The following SMG1 variants were observed in gnomAD, a reference collection of about 807,000 sequenced individuals.
The protein encoded by SMG1 is serine/threonine-protein kinase SMG1.
A neutral mutation model predicts 419.9 loss-of-function variants in SMG1; 22 were observed. The observed-to-expected ratio is 0.05, with a 90% CI of 0.04 to 0.07. The LOEUF is 0.07. SMG1 is among the 10% of genes least tolerant of loss of function. SMG1 has a pLI of 1.00. For synonymous variants in SMG1, 1,538 were observed against 1,553.5 expected, an observed-to-expected ratio of 0.99 and a Z score of 0.23; for missense variants, 3,185 against 4,342.0, an observed-to-expected ratio of 0.73 and a Z score of 7.49.
rs534941890 is a variant in SMG1, at chr16:18,884,554, C to G, written c.1022-387G>C. Among the ~76,000 whole-genome samples the G allele has an allele frequency of 3.6e-4, 55 of 152,234 alleles. 1 individual carries two copies. In the South Asian group the frequency reaches 0.011, roughly 30 times the overall value. On this transcript the variant is annotated intron_variant, in intron 8 of 62. Transcript: ENST00000446231. ...ATCTCCTCAGTGAAAATGAAACAGG[C>G]CACTATCACCTGAATATCCTATTTT...
At chr16:18,880,812 C>G (rs2036356024) in intron 10 of SMG1, among the ~76,000 whole-genome samples, 1 of 150,898 alleles carries the variant, frequency 6.6e-6, no homozygotes, top group Admixed American at 6.6e-5. Flanking sequence ...GGTGGGAAGA[C>G]TGCTTGAGGC....
At chr16:18,879,360 C>G (rs561690137) in intron 11 of SMG1, 135 bp downstream of exon 11, 1 of 668,930 alleles carries the variant, frequency 1.5e-6, no homozygotes, top group South Asian at 1.7e-5. Flanking sequence ...AGCAATCCTT[C>G]TGCTTTGGCC....
Position 18,830,212 on chromosome 16 carries a change from CA to C in SMG1, c.8943+6del. 7 of 1,613,584 alleles carry C rather than the reference CA, an allele frequency of 4.3e-6. No individual in the cohort carries two copies. The highest frequency in any genetic ancestry group is 5.9e-6 in the Non-Finnish European group (7 of 1,179,676). ...TGCATTATTTTTAAATCCAAGTCCA[CA>C]TTTACCTTTTCAACTAATAAGCTGA... On this transcript the variant is annotated splice_donor_region_variant and intron_variant, in intron 52 of 62. Coordinates refer to ENST00000446231, the MANE Select transcript of SMG1 (RefSeq NM_015092.5).
intron 25 of SMG1, among the ~76,000 whole-genome samples, chr16:18,862,047 G>T (rs549203564): frequency 1.3e-5 from 2 of 152,178 alleles, no homozygotes; most frequent in East Asian, 3.9e-4. Flanking sequence ...TCCAGCAACA[G>T]CTTCCTATCC....
At chr16:18,854,562 T>C (rs1567373203) in intron 30 of SMG1, 94 bp downstream of exon 30, 1 of 1,182,156 alleles carries the variant, frequency 8.5e-7, no homozygotes, top group Non-Finnish European at 1.2e-6. Context: ...ATGATCAACT[T>C]TGCTATTACT....
At chr16:18,918,789 G>A in intron 1 of SMG1, among the ~76,000 whole-genome samples, 1 of 152,084 alleles carries the variant, frequency 6.6e-6, no homozygotes, top group Non-Finnish European at 1.5e-5. Flanking sequence ...GGTCAAGGCG[G>A]GCAGATCACC....
intron 36 of SMG1, among the ~76,000 whole-genome samples, 155 bp from the exon 37 acceptor site, chr16:18,848,188 C>T (rs1288494100): frequency 6.6e-6 from 1 of 152,144 alleles, no homozygotes; most frequent in Non-Finnish European, 1.5e-5. Context: ...TGTGGATATT[C>T]TGCCTTTTTA....
At chr16:18,859,344 T>C in intron 27 of SMG1, 163 bp from the exon 28 acceptor site, 1 of 666,702 alleles carries the variant, frequency 1.5e-6, no homozygotes, top group Non-Finnish European at 2.5e-6. Context: ...TCAAGACATT[T>C]GCTTTTGGGG....
intron 51 of SMG1, among the ~76,000 whole-genome samples, chr16:18,830,949 T>G (rs2033132509): frequency 6.6e-6 from 1 of 152,184 alleles, no homozygotes; most frequent in Non-Finnish European, 1.5e-5. Context: ...AAATATGAAA[T>G]AATTTAAAAT....
rs572427644 is a variant in SMG1, at chr16:18,916,018, G to A, written c.92+9932C>T. 2.4e-3 allele frequency among the ~76,000 whole-genome samples: 318 copies of A among 132,938 alleles called. 4 individuals carry two copies. Among genetic ancestry groups the A allele is most frequent in the African/African-American group, 8.2e-3 (285 of 34,952 alleles). The allele number at this position is 132,938 out of a possible 152,430, so 87.2% of individuals were successfully genotyped here. ...CGGGAGGCAGAGGTTGCAGTGAGCC[G>A]TGATCACACCATTGCACTCCAGCCT... On this transcript the variant is annotated intron_variant, in intron 1 of 62. Coordinates refer to ENST00000446231, the MANE Select transcript of SMG1 (RefSeq NM_015092.5).
chr16:18,817,170 C>T lies in SMG1; in HGVS notation c.10074+121G>A, dbSNP rs1008159352. 15 of 742,726 alleles carry T rather than the reference C, an allele frequency of 2.0e-5. 1 individual carries two copies. The South Asian group carries it at 5.8e-4, about 29-fold the overall frequency. The allele number at this position is 742,726 out of a possible 1,614,324, so 46.0% of individuals were successfully genotyped here. ...TTAATCATCACTGTCCCCCCGCCCC[C>T]CTAACAACCTCTTACATACAGTATA... On this transcript the variant is annotated intron_variant, in intron 57 of 62. Transcript: ENST00000446231.
intron 19 of SMG1, 60 bp downstream of exon 19, chr16:18,869,793 TA>T (rs1377530823): frequency 6.9e-7 from 1 of 1,440,708 alleles, no homozygotes; most frequent in African/African-American, 1.4e-5. Context: ...AAACTGCATG[TA>T]AAGTCAAAAG....
rs532901455 is a variant in SMG1 at position 18,845,944 on chromosome 16, T to G, written c.5997-293A>C. Among the ~76,000 whole-genome samples, 15 of 151,996 alleles carry G rather than the reference T, an allele frequency of 9.9e-5. No individual in the cohort carries two copies. The East Asian group carries it at 2.3e-3, about 24-fold the overall frequency. The stretch of plus-strand genomic sequence containing the variant: ...AATTCCTCTGCCTCAGCCTCCTGAG[T>G]AGCTGCGACTACACACGCGCGACAC... On this transcript the variant is annotated intron_variant, in intron 38 of 62. Transcript: ENST00000446231.
rs896791693 is a variant in SMG1 at position 18,926,400 on chromosome 16, A to G, written c.-359T>C. On this transcript the variant is annotated 5_prime_UTR_variant, in exon 1 of 63. Transcript: ENST00000446231. ...GGTGGCGGCAGCTCCTCACGCTCACACGGCCACTGCTTCCCCGCCTCCCGG... is the reference window on the plus strand; with the variant it reads ...GGTGGCGGCAGCTCCTCACGCTCACGCGGCCACTGCTTCCCCGCCTCCCGG... 7 of 201,754 alleles carry G rather than the reference A, an allele frequency of 3.5e-5. No homozygotes were observed. Among genetic ancestry groups the G allele is most frequent in the Non-Finnish European group, 6.0e-5 (6 of 99,766 alleles). 12.5% of individuals were successfully genotyped at this position (201,754 alleles called of 1,614,324 possible). A position where few individuals can be genotyped will look rare whatever the true frequency, so the allele number is the denominator to read the frequency against.
chr16:18,918,562 TG>T (rs2038066959), intron 1 of SMG1, among the ~76,000 whole-genome samples: 1 of 152,202 alleles, frequency 6.6e-6, no homozygotes, highest in East Asian at 1.9e-4. Context: ...TTTTTGTTTT[TG>T]TTTTTGAGAC....
chr16:18,892,211 T>C lies in SMG1; in HGVS notation c.549+7A>G, dbSNP rs12102590. On this transcript the variant is annotated splice_region_variant and intron_variant, in intron 4 of 62. Transcript: ENST00000446231. Reference sequence around the variant, plus strand: ...AATCCTCATATTTCCAAACATACTATACTTACCAGCTTATTTTCTGGTTGC... The same window carrying C: ...AATCCTCATATTTCCAAACATACTACACTTACCAGCTTATTTTCTGGTTGC... 812 of 1,516,586 alleles carry C rather than the reference T, an allele frequency of 5.4e-4. 3 individuals carry two copies. The African/African-American group carries it at 0.01, about 19-fold the overall frequency. The allele number at this position is 1,516,586 out of a possible 1,614,324, so 93.9% of individuals were successfully genotyped here. A position where few individuals can be genotyped will look rare whatever the true frequency, so the allele number is the denominator to read the frequency against.
At chr16:18,820,492 C>T (rs2032428856) in intron 55 of SMG1, among the ~76,000 whole-genome samples, 1 of 152,230 alleles carries the variant, frequency 6.6e-6, no homozygotes, top group African/African-American at 2.4e-5. Flanking sequence ...GCATGAACCA[C>T]CATGCCTGGC....
At chr16:18,886,080 T>G (rs2141753681) in intron 6 of SMG1, among the ~76,000 whole-genome samples, 1 of 152,316 alleles carries the variant, frequency 6.6e-6, no homozygotes, top group South Asian at 2.1e-4. Context: ...TCAGTTAACA[T>G]TAGTCCTTAA....
Position 18,926,177 on chromosome 16 carries a change from G to GAGA in SMG1, c.-137_-136insTCT. On this transcript the variant is annotated 5_prime_UTR_variant, in exon 1 of 63. Transcript: ENST00000446231. ...CGAGAAGGAGGAGGAGGAGGAGGAG[G>GAGA]AGGAGAAGGAGGAGGCGGCGGAGGG... The GAGA allele has an allele frequency of 1.4e-6, 1 of 725,232 alleles. No homozygotes were observed. Among genetic ancestry groups the GAGA allele is most frequent in the Non-Finnish European group, 2.1e-6 (1 of 467,376 alleles). The allele number at this position is 725,232 out of a possible 1,614,324, so 44.9% of individuals were successfully genotyped here.
Sources: gnomAD v4.1 joint callset for allele counts (sites outside exome capture counted in the v4.1 genomes callset) on GRCh38, gnomAD v4.1.1 for gene constraint, MANE v1.5 for transcripts, NCBI Gene and HGNC (gene_info 2026-07-23, HGNC 2026-07-21) for gene names.